TBX20: variants seen among roughly 807,000 people sequenced by gnomAD.
TBX20 encodes T-box transcription factor TBX20.
In TBX20, 8 loss-of-function variants were observed where a neutral mutation model predicts 42.9. The observed-to-expected ratio is 0.19, with a 90% CI of 0.11 to 0.34. The LOEUF (loss-of-function observed/expected upper bound fraction) is 0.34, where lower values mean the gene tolerates loss of function less well. Among genes scored for constraint, TBX20 ranks in the 10% least tolerant of loss-of-function variants. TBX20 has a pLI of 1.00. For missense variants in TBX20, 411 were observed against 566.0 expected (o/e 0.73, Z 2.78); for synonymous variants, 198 against 222.8 (o/e 0.89, Z 0.99).
In TBX20 at chr7:35,245,054, G is replaced by A. The variant is rs1463237905; in HGVS notation, c.549C>T (p.Leu183=). Residue 183 remains leucine, a synonymous_variant, in exon 4 of 8, where the codon CTC becomes CTT. Coordinates refer to ENST00000408931, the MANE Select transcript of TBX20 (RefSeq NM_001077653.2). The part of the protein sequence containing the change: ...GKADPPLPAR[L]YVHPDSPFTG... ...TAAAAGGAGAATCTGGATGCACATAGAGCCTAAGAAAATTAGGAGAAAACT... is the reference window on the plus strand; with the variant it reads ...TAAAAGGAGAATCTGGATGCACATAAAGCCTAAGAAAATTAGGAGAAAACT... The A allele has an allele frequency of 9.3e-6, 15 of 1,610,518 alleles. No individual in the cohort carries two copies.
intron 6 of TBX20, among the ~76,000 whole-genome samples, chr7:35,206,157 C>G (rs1423904954): frequency 6.6e-6 from 1 of 152,214 alleles, no homozygotes; most frequent in East Asian, 1.9e-4. Flanking sequence ...TAGTGATTCT[C>G]AAATTTGTGT....
chr7:35,228,809 C>T (rs752303670), intron 6 of TBX20, among the ~76,000 whole-genome samples: 2 of 152,026 alleles, frequency 1.3e-5, no homozygotes, highest in African/African-American at 2.4e-5. Flanking sequence ...GTTTGCTTCT[C>T]GGTTGACCAC....
At chr7:35,248,561 C>T in intron 3 of TBX20, 116 bp downstream of exon 3, 1 of 1,158,054 alleles carries the variant, frequency 8.6e-7, no homozygotes. Context: ...GCTTGGAATG[C>T]TCTCTTGCCA....
Position 35,222,288 on chromosome 7 carries a change from T to A in TBX20, c.890+9216A>T, listed in dbSNP as rs140147811. 4.6e-3 allele frequency among the ~76,000 whole-genome samples: 704 copies of A among 152,194 alleles called. 6 individuals are homozygous for A. Among genetic ancestry groups the A allele is most frequent in the African/African-American group, 0.016 (664 of 41,518 alleles). On this transcript the variant is annotated intron_variant, in intron 6 of 7. Transcript: ENST00000408931. ...CATATATAGCCCATTGTCTGACACA[T>A]GGCACATGTGGAGTGTTGGCCATTA...
intron 5 of TBX20, among the ~76,000 whole-genome samples, chr7:35,233,479 G>C (rs1439038375): frequency 6.6e-6 from 1 of 152,154 alleles, no homozygotes; most frequent in Non-Finnish European, 1.5e-5. Flanking sequence ...CAACAGCTAA[G>C]ACATATATAT....
rs1172581481 is a variant in TBX20 at position 35,240,976 on chromosome 7, T to C, written c.716A>G (p.His239Arg). 1.2e-6 allele frequency: 2 copies of C among 1,613,752 alleles called. No homozygotes were observed. Among genetic ancestry groups the C allele is most frequent in the South Asian group, 2.2e-5 (2 of 91,072 alleles). ...PRVHIIKKKD[H>R]TASLLNLKSE... ...CTTCAGGTTGAGCAATGAGGCTGTGTGGTCTTTCTTCTTAATGATGTGCAC... is the reference window on the plus strand; with the variant it reads ...CTTCAGGTTGAGCAATGAGGCTGTGCGGTCTTTCTTCTTAATGATGTGCAC... Residue 239 changes from histidine (H) to arginine (R), a missense_variant, in exon 5 of 8, where the codon CAC (histidine) becomes CGC (arginine). By Grantham distance (29) the His-to-Arg change is conservative. This residue lies in a region of TBX20 where 121 missense variants were observed against 165.9 expected (regional missense o/e 0.73). Transcript: ENST00000408931.
At chr7:35,224,729 CTA>C (rs1789742449) in intron 6 of TBX20, among the ~76,000 whole-genome samples, 1 of 151,284 alleles carries the variant, frequency 6.6e-6, no homozygotes, top group Non-Finnish European at 1.5e-5. Flanking sequence ...GACAATATGA[CTA>C]TATTATAATG....
intron 6 of TBX20, among the ~76,000 whole-genome samples, chr7:35,220,237 G>A (rs1330309502): frequency 1.3e-5 from 2 of 152,228 alleles, no homozygotes; most frequent in Admixed American, 6.5e-5. Flanking sequence ...AGCAAATGGG[G>A]TTAAAGATGA....
chr7:35,252,787 T>C (rs534791053), intron 1 of TBX20, among the ~76,000 whole-genome samples: 2 of 152,330 alleles, frequency 1.3e-5, no homozygotes, highest in African/African-American at 4.8e-5. Flanking sequence ...AATTCACTAG[T>C]GTTAAGAAGA....
In TBX20 at chr7:35,249,998, G is replaced by A. The variant is rs1342260782; in HGVS notation, c.333C>T (p.Asp111=). Residue 111 remains aspartate (D), a synonymous_variant, in exon 2 of 8, where the codon GAC becomes GAT. Transcript: ENST00000408931. This position sits in a 1 kb window ranked among gnomAD's most constrained non-coding sequence, Gnocchi z 4.3. ...TCTCGGTGCCCAGCTCATGGAATTT[G>A]TCCCAAAGCTCCTTGGTCTCCAGGC... ...ACSLETKELW[D]KFHELGTEMI... 6.2e-7 allele frequency: 1 copy of A among 1,613,276 alleles called. No individual in the cohort carries two copies. Among genetic ancestry groups the A allele is most frequent in the East Asian group, 2.2e-5 (1 of 44,850 alleles).
chr7:35,233,721 C>T (rs181308294), intron 5 of TBX20, among the ~76,000 whole-genome samples: 1 of 152,318 alleles, frequency 6.6e-6, no homozygotes, highest in East Asian at 1.9e-4. Context: ...ATTTTTAAAT[C>T]CTCCAGGACA....
Position 35,249,920 on chromosome 7 carries a change from C to T in TBX20, c.380+31G>A. On this transcript the variant is annotated intron_variant, in intron 2 of 7. Transcript: ENST00000408931. The surrounding 1 kb of genome is among the most constrained non-coding windows in gnomAD (Gnocchi z 4.3). ...CCCAGGGAGTGTCCTGACTCTCCAC[C>T]CCCAACCCCCAACCCCCAAGTCCCA... 1 of 1,582,424 alleles carries T rather than the reference C, an allele frequency of 6.3e-7. No individual in the cohort carries two copies. Among genetic ancestry groups the T allele is most frequent in the East Asian group, 2.2e-5 (1 of 44,604 alleles).
At chr7:35,217,914 T>C (rs1211861995) in intron 6 of TBX20, among the ~76,000 whole-genome samples, 1 of 152,148 alleles carries the variant, frequency 6.6e-6, no homozygotes, top group Non-Finnish European at 1.5e-5. Context: ...GAGACGGGGT[T>C]TCTCCATGTT....
chr7:35,250,491 A>G (rs115063111), intron 1 of TBX20, among the ~76,000 whole-genome samples: 288 of 152,320 alleles, frequency 1.9e-3, no homozygotes, highest in African/African-American at 6.7e-3. Flanking sequence ...AGAGTGGAAG[A>G]AGGGAAGGGT....
chr7:35,238,998 A>C (rs564117383), intron 5 of TBX20, among the ~76,000 whole-genome samples: 1 of 152,120 alleles, frequency 6.6e-6, no homozygotes. Flanking sequence ...CAAAGGCTTA[A>C]ACAAGCCTAC....
intron 1 of TBX20, 78 bp downstream of exon 1, chr7:35,253,416 G>A (rs1790342723): frequency 1.3e-6 from 2 of 1,531,370 alleles, no homozygotes; most frequent in East Asian, 2.4e-5. Context: ...ACGTTGCTGC[G>A]AGCCGCCTGC....
chr7:35,211,976 T>C (rs1789504608), intron 6 of TBX20, among the ~76,000 whole-genome samples: 1 of 152,186 alleles, frequency 6.6e-6, no homozygotes, highest in Non-Finnish European at 1.5e-5. Flanking sequence ...TGTCATTAAA[T>C]TTGAAAAATT....
intron 5 of TBX20, among the ~76,000 whole-genome samples, chr7:35,237,966 G>A (rs1335303140): frequency 1.3e-5 from 2 of 152,028 alleles, no homozygotes; most frequent in Non-Finnish European, 2.9e-5. Context: ...TGCTTCTTTG[G>A]GAACAGCAGG....
intron 6 of TBX20, among the ~76,000 whole-genome samples, chr7:35,215,995 C>T (rs1789582831): frequency 6.6e-6 from 1 of 152,198 alleles, no homozygotes; most frequent in Non-Finnish European, 1.5e-5. Context: ...TTCCCTTCCC[C>T]TCACATTCTC....
Sources: allele counts gnomAD v4.1 joint callset (sites outside exome capture counted in the v4.1 genomes callset), GRCh38; gene constraint gnomAD v4.1.1; regional missense constraint gnomAD v4.1.1; non-coding constraint Gnocchi (gnomAD v3.1); transcripts MANE v1.5; gene names NCBI Gene and HGNC (gene_info 2026-07-23, HGNC 2026-07-21).